RTN4RL1: variants seen among roughly 807,000 people sequenced by gnomAD.
The protein encoded by RTN4RL1 is reticulon-4 receptor-like 1.
Under a neutral mutation model 25.6 loss-of-function variants are expected in RTN4RL1, and 7 were observed. The observed-to-expected ratio is 0.27, with a 90% confidence interval of 0.16 to 0.51. The LOEUF (loss-of-function observed/expected upper bound fraction) is 0.51. RTN4RL1 is among the 20% of genes least tolerant of loss of function. The pLI is 0.97. For synonymous variants in RTN4RL1, 297 were observed against 288.2 expected (o/e 1.03, Z -0.31); for missense variants, 500 against 615.6 (o/e 0.81, Z 1.99).
chr17:2,002,762 A>T (rs1052451264), intron 1 of RTN4RL1, among the ~76,000 whole-genome samples: 22 of 151,974 alleles, frequency 1.4e-4, no homozygotes, highest in Non-Finnish European at 1.5e-5. Flanking sequence ...GCCAGTTCCC[A>T]GTGGGGGGCA....
intron 1 of RTN4RL1, among the ~76,000 whole-genome samples, chr17:2,021,692 T>C (rs1046122738): frequency 3.3e-5 from 5 of 151,420 alleles, no homozygotes; most frequent in Admixed American, 6.6e-5. Flanking sequence ...GGAGCTGGGA[T>C]TACAGGCATG....
intron 1 of RTN4RL1, among the ~76,000 whole-genome samples, chr17:1,989,302 G>A (rs919630347): frequency 7.2e-5 from 11 of 151,872 alleles, no homozygotes; most frequent in African/African-American, 2.7e-4. Flanking sequence ...CACCGCCCTA[G>A]ATTTGGACAC....
Position 1,962,442 on chromosome 17 carries a change from C to T in RTN4RL1, c.14-24634G>A, listed in dbSNP as rs545169043. On this transcript the variant is annotated intron_variant, in intron 1 of 1. Coordinates refer to ENST00000331238, the MANE Select transcript of RTN4RL1 (RefSeq NM_178568.4). ...GTGCAATCTCAGCTCCCTGCAACCT[C>T]CGTCTCCCGGGTTCAAGTGATTCTC... is the stretch of plus-strand genomic sequence containing the variant. 1.8e-3 allele frequency among the ~76,000 whole-genome samples: 264 copies of T among 145,518 alleles called. 2 individuals are homozygous for T. The highest frequency in any genetic ancestry group is 6.2e-3 in the African/African-American group (256 of 40,986).
rs1567511261 is a variant in RTN4RL1, at chr17:1,964,740, A to AT, written c.14-26933_14-26932insA. 1.2e-3 allele frequency among the ~76,000 whole-genome samples: 182 copies of AT among 150,376 alleles called. 1 individual carries two copies. Among genetic ancestry groups the AT allele is most frequent in the African/African-American group, 4.2e-3 (171 of 40,910 alleles). On this transcript the variant is annotated intron_variant, in intron 1 of 1. Coordinates refer to ENST00000331238, the MANE Select transcript of RTN4RL1 (RefSeq NM_178568.4). Reference sequence around the variant, plus strand: ...GAGCAAGAACCTGTCTCTAAAAAAAAATTTTTTTAATTAATTTCACCGTTA... The same window carrying AT: ...GAGCAAGAACCTGTCTCTAAAAAAAATATTTTTTTAATTAATTTCACCGTTA...
intron 1 of RTN4RL1, among the ~76,000 whole-genome samples, chr17:1,941,607 G>C (rs559563797): frequency 1.4e-3 from 215 of 151,978 alleles, no homozygotes; most frequent in Middle Eastern, 3.4e-3. Context: ...GCCAGGCGGT[G>C]GGGGGGGATC....
chr17:1,983,373 T>C (rs1430056878), intron 1 of RTN4RL1, among the ~76,000 whole-genome samples: 4 of 152,076 alleles, frequency 2.6e-5, no homozygotes, highest in African/African-American at 9.7e-5. Flanking sequence ...TGAGGATACT[T>C]GTCCAGTAAT....
chr17:2,006,384 C>T (rs960045914), intron 1 of RTN4RL1, among the ~76,000 whole-genome samples: 1 of 151,768 alleles, frequency 6.6e-6, no homozygotes, highest in African/African-American at 2.4e-5. Flanking sequence ...TGGTCTCCGA[C>T]TCCTGACCTC....
intron 1 of RTN4RL1, among the ~76,000 whole-genome samples, chr17:1,952,666 C>T (rs936603920): frequency 1.3e-5 from 2 of 151,728 alleles, no homozygotes; most frequent in African/African-American, 2.4e-5. Context: ...TTTCATTCTG[C>T]ACAGGTCCAC....
At chr17:1,963,721 G>A (rs908643821) in intron 1 of RTN4RL1, among the ~76,000 whole-genome samples, 1 of 152,068 alleles carries the variant, frequency 6.6e-6, no homozygotes, top group South Asian at 2.1e-4. Flanking sequence ...TCTGCCCTTC[G>A]GAGTTTTTTC....
intron 1 of RTN4RL1, among the ~76,000 whole-genome samples, chr17:2,005,790 TTTC>T (rs1197029309): frequency 4.1e-5 from 5 of 122,616 alleles, no homozygotes; most frequent in South Asian, 4.6e-4. Flanking sequence ...TTCTTTTATT[TTTC>T]TTTCTTCCTT....
intron 1 of RTN4RL1, among the ~76,000 whole-genome samples, chr17:1,996,449 C>T (rs1483984240): frequency 2.1e-5 from 3 of 145,950 alleles, no homozygotes; most frequent in African/African-American, 5.1e-5. Flanking sequence ...CCCTGAGAAG[C>T]GGCCAGCTAC....
At chr17:2,021,629 A>G (rs2067204532) in intron 1 of RTN4RL1, among the ~76,000 whole-genome samples, 1 of 135,054 alleles carries the variant, frequency 7.4e-6, no homozygotes, top group Admixed American at 9.1e-5. Context: ...ATCTTGGCTC[A>G]CTGTAACCTC....
rs1388490270 is a variant in RTN4RL1 at position 1,937,093 on chromosome 17, C to T, written c.729G>A (p.Pro243=). 9 of 1,606,404 alleles carry T rather than the reference C, an allele frequency of 5.6e-6. No homozygotes were observed. The highest frequency in any genetic ancestry group is 1.7e-4 in the Middle Eastern group (1 of 6,058). ...GGCGGAGGAACTCCAGGGCCCCCAG[C>T]GGGGCCAGGCACTCACCCTGCAGCT... The part of the protein sequence containing the change: ...LSELQGECLA[P]LGALEFLRLN... Residue 243 remains proline, a synonymous_variant, in exon 2 of 2, where the codon CCG becomes CCA. Coordinates refer to ENST00000331238, the MANE Select transcript of RTN4RL1 (RefSeq NM_178568.4).
chr17:2,016,915 A>AT (rs1310039130), intron 1 of RTN4RL1, among the ~76,000 whole-genome samples: 1 of 152,212 alleles, frequency 6.6e-6, no homozygotes, highest in East Asian at 1.9e-4. Context: ...ATAGAACATT[A>AT]AAGGCAAAAC....
chr17:1,991,194 A>G (rs2066906862), intron 1 of RTN4RL1, among the ~76,000 whole-genome samples: 1 of 152,102 alleles, frequency 6.6e-6, no homozygotes, highest in Non-Finnish European at 1.5e-5. Flanking sequence ...GATTAGAGTT[A>G]TTTGTATTTC....
Position 1,959,917 on chromosome 17 carries a change from G to A in RTN4RL1, c.14-22109C>T, listed in dbSNP as rs141870840. Among the ~76,000 whole-genome samples the A allele has an allele frequency of 1.9e-3, 287 of 152,242 alleles. 1 individual carries two copies. Among genetic ancestry groups the A allele is most frequent in the African/African-American group, 6.5e-3 (268 of 41,530 alleles). ...GGGGTGGGGATTAGACATGTGTTCT[G>A]GCTCTAAACTGCAGACCAGTCCACC... On this transcript the variant is annotated intron_variant, in intron 1 of 1. Coordinates refer to ENST00000331238, the MANE Select transcript of RTN4RL1 (RefSeq NM_178568.4).
chr17:2,024,020 G>C (rs1023888436), intron 1 of RTN4RL1, among the ~76,000 whole-genome samples: 1 of 152,134 alleles, frequency 6.6e-6, no homozygotes, highest in African/African-American at 2.4e-5. Flanking sequence ...GGGCCCGTGG[G>C]CTCCCGGCGT....
At chr17:1,980,923 T>C (rs1244882540) in intron 1 of RTN4RL1, among the ~76,000 whole-genome samples, 2 of 31,006 alleles carry the variant, frequency 6.5e-5, no homozygotes, top group African/African-American at 2.9e-4. Context: ...TGAGATTCTA[T>C]CTCAAAAAAA....
intron 1 of RTN4RL1, among the ~76,000 whole-genome samples, chr17:1,948,361 C>A (rs1711546041): frequency 6.6e-6 from 1 of 152,186 alleles, no homozygotes; most frequent in Admixed American, 6.5e-5. Context: ...GGTTTGGGGG[C>A]CCCAGAACCT....
Sources: allele counts gnomAD v4.1 joint callset (sites outside exome capture counted in the v4.1 genomes callset), GRCh38; gene constraint gnomAD v4.1.1; transcripts MANE v1.5; gene names NCBI Gene and HGNC (gene_info 2026-07-23, HGNC 2026-07-21).